The following UTY variants were observed in gnomAD, a reference collection of about 807,000 sequenced individuals.
UTY encodes the protein ubiquitously transcribed tetratricopeptide repeat containing, Y-linked.
A neutral mutation model predicts 32.5 loss-of-function variants in UTY; 12 were observed. The observed-to-expected ratio is 0.37, with a 90% CI of 0.24 to 0.60. The LOEUF (loss-of-function observed/expected upper bound fraction) is 0.60. UTY is among the 20% of genes least tolerant of loss of function. UTY has a pLI of 0.69. For missense variants in UTY, 303 were observed against 299.2 expected (o/e 1.01, Z -0.09); for synonymous variants, 131 against 103.4 (o/e 1.27, Z -1.62).
Position 13,317,223 on chromosome Y carries a change from T to A in UTY, c.3276+6332A>T. Reference sequence around the variant, plus strand: ...TTTGCCATGTTGGTCAGGTTGGTCTTCAAATCCTGACCTCAGGTGATCTGC... The same window carrying A: ...TTTGCCATGTTGGTCAGGTTGGTCTACAAATCCTGACCTCAGGTGATCTGC... On this transcript the variant is annotated intron_variant, in intron 21 of 29. Coordinates refer to ENST00000545955, the MANE Select transcript of UTY (RefSeq NM_001258249.2). 9.0e-5 allele frequency among the ~76,000 whole-genome samples: 3 copies of A among 33,329 alleles called. No individual in the cohort carries two copies. The South Asian group carries it at 2.0e-3, about 23-fold the overall frequency. The allele number at this position is 33,329 out of a possible 37,273, so 89.4% of individuals were successfully genotyped here.
At chrY:13,271,434 G>T in intron 27 of UTY, among the ~76,000 whole-genome samples, 1 of 33,441 alleles carries the variant, frequency 3.0e-5, no homozygotes, top group Non-Finnish European at 7.4e-5. Flanking sequence ...AATATGTTAG[G>T]AAATGAGGAA....
chrY:13,361,405 G>A (rs2063532472), intron 10 of UTY, among the ~76,000 whole-genome samples: 1 of 33,400 alleles, frequency 3.0e-5, no homozygotes, highest in African/African-American at 1.2e-4. Flanking sequence ...AAATAAACGT[G>A]TACCGACAAA....
At chrY:13,360,226 T>C in intron 11 of UTY, among the ~76,000 whole-genome samples, 1 of 32,051 alleles carries the variant, frequency 3.1e-5, no homozygotes, top group African/African-American at 1.2e-4. Context: ...TTCATGGAAA[T>C]AGAGTGTTAC....
chrY:13,256,523 T>G (rs759138898), intron 28 of UTY, among the ~76,000 whole-genome samples: 1 of 33,801 alleles, frequency 3.0e-5, no homozygotes, highest in Non-Finnish European at 7.4e-5. Context: ...GGATTCTCCC[T>G]AAAATAACTA....
chrY:13,288,170 C>A, intron 27 of UTY, among the ~76,000 whole-genome samples: 1 of 31,196 alleles, frequency 3.2e-5, no homozygotes, highest in African/African-American at 1.3e-4. Context: ...CCCTGATCAT[C>A]TCTAAGTTCT....
chrY:13,371,068 A>G, intron 8 of UTY, among the ~76,000 whole-genome samples: 3 of 32,215 alleles, frequency 9.3e-5, no homozygotes, highest in Admixed American at 8.7e-4. Context: ...AAAACACAAC[A>G]ATACAAAAAC....
downstream of UTY, among the ~76,000 whole-genome samples, chrY:13,247,143 T>C: frequency 3.1e-5 from 1 of 32,625 alleles, no homozygotes; most frequent in African/African-American, 1.2e-4. Context: ...GGCATGTAGG[T>C]AGGGTCAGCT....
intron 8 of UTY, chrY:13,393,307 A>AT (rs2067778475): frequency 1.5e-4 from 5 of 33,622 alleles, no homozygotes; most frequent in African/African-American, 5.8e-4. Flanking sequence ...AAAGCAAAAT[A>AT]TTTTTTTAAA....
intron 17 of UTY, 115 bp from the exon 18 acceptor site, chrY:13,336,450 A>G: frequency 5.6e-6 from 1 of 177,932 alleles, no homozygotes; most frequent in Non-Finnish European, 9.6e-6. Flanking sequence ...AATTTTGTGT[A>G]ACATAATTGA....
At chrY:13,264,111 CTTT>C (rs2055548376) in intron 27 of UTY, among the ~76,000 whole-genome samples, 1 of 33,300 alleles carries the variant, frequency 3.0e-5, no homozygotes, top group African/African-American at 1.2e-4. Context: ...TGAACTAATC[CTTT>C]TTTTTGGCTG....
chrY:13,357,693 G>A, intron 15 of UTY, among the ~76,000 whole-genome samples, 184 bp downstream of exon 15: 1 of 33,718 alleles, frequency 3.0e-5, no homozygotes, highest in Non-Finnish European at 7.3e-5. Flanking sequence ...TTCACCTTAT[G>A]TCATTTAAGT....
downstream of UTY, among the ~76,000 whole-genome samples, chrY:13,247,192 A>G: frequency 6.0e-5 from 2 of 33,161 alleles, no homozygotes; most frequent in Non-Finnish European, 1.5e-4. Flanking sequence ...AAGGACAACA[A>G]AAAGAATCTT....
intron 17 of UTY, among the ~76,000 whole-genome samples, chrY:13,350,181 T>C: frequency 1.2e-4 from 4 of 34,051 alleles, no homozygotes; most frequent in African/African-American, 2.3e-4. Flanking sequence ...ACCTAGTCCA[T>C]AGTATTTTGT....
chrY:13,366,360 T>C lies in UTY; in HGVS notation c.773A>G (p.Asp258Gly), dbSNP rs1194145087. 1 of 391,855 alleles carries C rather than the reference T, an allele frequency of 2.6e-6. No homozygotes were observed. Among genetic ancestry groups the C allele is most frequent in the Non-Finnish European group, 3.6e-6 (1 of 279,589 alleles). The stretch of plus-strand genomic sequence containing the variant: ...AGCATAGCTTTCCTTTGTGGCTTTG[T>C]CTCCTACTAGATCCATATTATGATG... ...WMHHNMDLVGDKATKESYAIQ... is the reference protein window; with the variant it reads ...WMHHNMDLVGGKATKESYAIQ... The change falls in exon 10 of 30, where the codon GAC becomes GGC. Residue 258 changes from aspartate (D) to glycine (G), a missense_variant. Asp to Gly is a moderately conservative substitution (Grantham distance 94). Transcript: ENST00000545955.
At chrY:13,259,131 C>CA (rs2055066458) in intron 28 of UTY, among the ~76,000 whole-genome samples, 1 of 34,696 alleles carries the variant, frequency 2.9e-5, no homozygotes, top group African/African-American at 1.1e-4. Flanking sequence ...TAATTCGGCC[C>CA]ATCCCTTCGT....
intron 4 of UTY, among the ~76,000 whole-genome samples, chrY:13,417,331 T>C: frequency 2.9e-5 from 1 of 34,027 alleles, no homozygotes; most frequent in Admixed American, 2.7e-4. Context: ...ATCCTTCTGT[T>C]TCTTCAAGTC....
chrY:13,286,918 C>A, intron 27 of UTY: 1 of 384,098 alleles, frequency 2.6e-6, no homozygotes. Context: ...GTACAGAGGG[C>A]ACGCTATGAG....
intron 6 of UTY, among the ~76,000 whole-genome samples, chrY:13,406,418 T>A: frequency 3.1e-5 from 1 of 31,969 alleles, no homozygotes; most frequent in Non-Finnish European, 7.8e-5. Context: ...TGTCCTAGTT[T>A]TGAACATAGG....
chrY:13,457,405 C>A (rs1023419365), intron 3 of UTY, among the ~76,000 whole-genome samples: 1 of 32,779 alleles, frequency 3.1e-5, no homozygotes, highest in African/African-American at 1.2e-4. Context: ...GAAATTAAAG[C>A]ACAAAACAAT....
Sources: allele counts gnomAD v4.1 joint callset (sites outside exome capture counted in the v4.1 genomes callset), GRCh38; gene constraint gnomAD v4.1.1; transcripts MANE v1.5; gene names NCBI Gene and HGNC (gene_info 2026-07-23, HGNC 2026-07-21).